The following CSMD1 variants were observed in gnomAD, a reference collection of about 807,000 sequenced individuals.
CSMD1 encodes CUB and Sushi multiple domains 1.
In CSMD1, 213 loss-of-function variants were observed where a neutral mutation model predicts 417.5. That is an observed-to-expected ratio of 0.51 (90% CI 0.46 to 0.57). The LOEUF (loss-of-function observed/expected upper bound fraction) is 0.57. Ranked by LOEUF, CSMD1 falls within the 20% of genes least tolerant of loss-of-function variation. CSMD1 has a pLI of 0.00. For synonymous variants in CSMD1, 2,862 were observed against 1,736.8 expected (o/e 1.65, Z -16.11); for missense variants, 6,923 against 4,529.7 (o/e 1.53, Z -15.17).
chr8:3,082,147 G>A (rs770830100), intron 49 of CSMD1, among the ~76,000 whole-genome samples: 1 of 152,122 alleles, frequency 6.6e-6, no homozygotes, highest in Non-Finnish European at 1.5e-5. Context: ...CTGTATTTCT[G>A]GAAGTCTTCA....
At chr8:4,451,944 T>G (rs951699664) in intron 2 of CSMD1, among the ~76,000 whole-genome samples, 3 of 148,540 alleles carry the variant, frequency 2.0e-5, no homozygotes, top group Non-Finnish European at 4.5e-5. Context: ...TGTATATTAT[T>G]ATATATAATA....
At chr8:4,737,875 G>C (rs1347751407) in intron 1 of CSMD1, among the ~76,000 whole-genome samples, 1 of 152,140 alleles carries the variant, frequency 6.6e-6, no homozygotes, top group Non-Finnish European at 1.5e-5. Flanking sequence ...CAACAACAAA[G>C]TTAATCCCAG....
At chr8:4,171,308 C>G (rs112027566) in intron 3 of CSMD1, among the ~76,000 whole-genome samples, 2 of 152,022 alleles carry the variant, frequency 1.3e-5, no homozygotes, top group East Asian at 3.9e-4. Flanking sequence ...CTACGCCAGG[C>G]TGTTTTCCAG....
At chr8:3,825,268 G>A (rs772015131) in intron 5 of CSMD1, among the ~76,000 whole-genome samples, 2 of 152,104 alleles carry the variant, frequency 1.3e-5, no homozygotes, top group Non-Finnish European at 2.9e-5. Context: ...GGTGGCTCAC[G>A]CCTGTAATCT....
At chr8:4,041,591 C>G (rs1479937316) in intron 3 of CSMD1, among the ~76,000 whole-genome samples, 1 of 152,026 alleles carries the variant, frequency 6.6e-6, no homozygotes, top group African/African-American at 2.4e-5. Flanking sequence ...CTCTGGCATC[C>G]AATCAAAAAG....
intron 3 of CSMD1, among the ~76,000 whole-genome samples, chr8:4,377,333 G>A (rs1016718635): frequency 1.3e-5 from 2 of 152,136 alleles, no homozygotes; most frequent in Non-Finnish European, 2.9e-5. Flanking sequence ...GTCGGGGGAG[G>A]CTTAGAGCTT....
chr8:4,925,549 T>C (rs12541079), intron 1 of CSMD1, among the ~76,000 whole-genome samples: 1 of 145,122 alleles, frequency 6.9e-6, no homozygotes, highest in Non-Finnish European at 1.5e-5. Context: ...TTTTTTTTTC[T>C]TTTTTCTTTT....
chr8:4,202,216 G>C (rs1002366065), intron 3 of CSMD1, among the ~76,000 whole-genome samples: 26 of 152,140 alleles, frequency 1.7e-4, no homozygotes, highest in African/African-American at 6.3e-4. Flanking sequence ...AATGAGATGT[G>C]ACTATTTGAT....
At chr8:3,688,400 C>T (rs950487114) in intron 7 of CSMD1, among the ~76,000 whole-genome samples, 3 of 152,098 alleles carry the variant, frequency 2.0e-5, no homozygotes, top group Non-Finnish European at 2.9e-5. Context: ...GACAGAGGTG[C>T]TTTGAATTTA....
chr8:2,949,530 T>TTGG (rs1264477683), intron 67 of CSMD1, 144 bp from the exon 68 acceptor site: 24 of 452,070 alleles, frequency 5.3e-5, no homozygotes, highest in Non-Finnish European at 1.1e-5. Flanking sequence ...GCCATGGCTT[T>TTGG]TGGTGACACA....
intron 54 of CSMD1, among the ~76,000 whole-genome samples, chr8:2,985,882 A>G (rs550316711): frequency 6.5e-5 from 9 of 139,482 alleles, no homozygotes; most frequent in Non-Finnish European, 1.4e-4. Context: ...CTCCTTCTAC[A>G]TTCTTTGCAT....
intron 1 of CSMD1, among the ~76,000 whole-genome samples, chr8:4,670,505 T>C (rs1035281243): frequency 2.6e-5 from 4 of 152,208 alleles, no homozygotes; most frequent in Admixed American, 1.3e-4. Flanking sequence ...TTCATTATTA[T>C]AATTAAAAGT....
chr8:4,466,912 G>A (rs576163722), intron 2 of CSMD1, among the ~76,000 whole-genome samples: 1 of 152,012 alleles, frequency 6.6e-6, no homozygotes, highest in East Asian at 1.9e-4. Context: ...TTTACAGTGT[G>A]TTTTTACAGC....
At chr8:4,042,569 T>G (rs141979750) in intron 3 of CSMD1, among the ~76,000 whole-genome samples, 8 of 151,854 alleles carry the variant, frequency 5.3e-5, no homozygotes, top group Middle Eastern at 3.4e-3. Context: ...CAGCGGAAGG[T>G]AATAGCATAG....
chr8:4,787,738 G>A lies in CSMD1; in HGVS notation c.86-150180C>T, dbSNP rs193021086. 2,777 of 1,589,242 alleles carry A rather than the reference G, an allele frequency of 1.7e-3. 3 individuals carry two copies. The highest frequency in any genetic ancestry group is 2.2e-3 in the Non-Finnish European group (2,512 of 1,159,362). On this transcript the variant is annotated intron_variant, in intron 1 of 69. Coordinates refer to ENST00000635120, the MANE Select transcript of CSMD1 (RefSeq NM_033225.6). ...CAATAATGACCCACAGTGGTCTGAG[G>A]AACAGCTGATTGCTGCAAAATTTTG...
chr8:3,811,665 G>C (rs551621370), intron 5 of CSMD1, among the ~76,000 whole-genome samples: 106 of 152,146 alleles, frequency 7.0e-4, no homozygotes, highest in African/African-American at 2.3e-3. Context: ...ATCTATGCCA[G>C]GAATCAATAT....
chr8:3,776,807 G>GATAT (rs151060171), intron 5 of CSMD1, among the ~76,000 whole-genome samples: 20 of 139,986 alleles, frequency 1.4e-4, no homozygotes, highest in African/African-American at 4.3e-4. Flanking sequence ...ATATAGACGA[G>GATAT]ATATATATAT....
Position 3,190,024 on chromosome 8 carries a change from G to C in CSMD1, c.5286C>G (p.Ile1762Met), listed in dbSNP as rs575100847. Residue 1762 changes from isoleucine to methionine, a missense_variant, in exon 34 of 70, where the codon ATC (isoleucine) becomes ATG (methionine). Ile to Met is a conservative substitution (Grantham distance 10). Coordinates refer to ENST00000635120, the MANE Select transcript of CSMD1 (RefSeq NM_033225.6). ...RIGSEFSAGS[I>M]VRFECNPGYL... ...ATCCCGGGTTGCACTCGAATCGGAC[G>C]ATGGAGCCGGCAGAAAACTCAGAAC... is the stretch of plus-strand genomic sequence containing the variant. 12 of 1,595,256 alleles carry C rather than the reference G, an allele frequency of 7.5e-6. No homozygotes were observed. Among genetic ancestry groups the C allele is most frequent in the Non-Finnish European group, 7.7e-6 (9 of 1,171,042 alleles).
At chr8:4,003,262 G>C (rs191360326) in intron 4 of CSMD1, among the ~76,000 whole-genome samples, 1 of 152,090 alleles carries the variant, frequency 6.6e-6, no homozygotes, top group African/African-American at 2.4e-5. Flanking sequence ...GTGTGGTGAC[G>C]GGCACTTGTA....
Sources: allele counts gnomAD v4.1 joint callset (sites outside exome capture counted in the v4.1 genomes callset), GRCh38; gene constraint gnomAD v4.1.1; transcripts MANE v1.5; gene names NCBI Gene and HGNC (gene_info 2026-07-23, HGNC 2026-07-21).